PLCH1: variants seen among roughly 807,000 people sequenced by gnomAD.
PLCH1 encodes 1-phosphatidylinositol 4,5-bisphosphate phosphodiesterase eta-1.
PLCH1 carries 60 observed loss-of-function variants against 126.7 expected under a neutral mutation model. That is an observed-to-expected ratio of 0.47 (90% confidence interval 0.38 to 0.59). The LOEUF is 0.59. PLCH1 is among the 20% of genes least tolerant of loss of function. The probability of loss-of-function intolerance (pLI) is 0.00; values close to 1 mark genes in which losing one functional copy is unlikely to be tolerated. For missense variants in PLCH1, 1,723 were observed against 2,040.0 expected, an observed-to-expected ratio of 0.84 and a Z score of 2.99; for synonymous variants, 719 against 734.9, an observed-to-expected ratio of 0.98 and a Z score of 0.35.
chr3:155,528,411 C>T (rs1177971685), intron 10 of PLCH1, among the ~76,000 whole-genome samples: 4 of 152,034 alleles, frequency 2.6e-5, no homozygotes, highest in Admixed American at 2.6e-4. Context: ...TATAATATGG[C>T]AGCACCAGAA....
intron 2 of PLCH1, among the ~76,000 whole-genome samples, chr3:155,616,208 G>C (rs1735780336): frequency 1.3e-5 from 2 of 152,142 alleles, no homozygotes; most frequent in African/African-American, 4.8e-5. Context: ...ATTTTTAGTA[G>C]AAAGGTATGG....
Position 155,594,401 on chromosome 3 carries a change from T to C in PLCH1, c.227-217A>G, listed in dbSNP as rs1297262081. On this transcript the variant is annotated intron_variant, in intron 3 of 22. Coordinates refer to ENST00000460012, the MANE Select transcript of PLCH1 (RefSeq NM_014996.4). ...GCCTGGGCAACATGGTGAAACCCCG[T>C]CTCTGCTAAAATAAAAAAAAAATTG... 4.0e-5 allele frequency among the ~76,000 whole-genome samples: 6 copies of C among 151,716 alleles called. No individual in the cohort carries two copies. The South Asian group carries it at 6.3e-4, about 16-fold the overall frequency.
At position 155,700,121 on chromosome 3, in the gene PLCH1, G is replaced by A. The variant is rs117303061; in HGVS notation, c.79+4025C>T. 1.1e-3 allele frequency among the ~76,000 whole-genome samples: 169 copies of A among 152,240 alleles called. 1 individual carries two copies. The East Asian group carries it at 0.029, about 26-fold the overall frequency. On this transcript the variant is annotated intron_variant, in intron 2 of 22. Transcript: ENST00000460012. ...GACAGGGAAACTGAGGGCCCCAGAA[G>A]TGACATGAGGCTACACAAGTTAGTT...
Position 155,549,775 on chromosome 3 carries a change from T to C in PLCH1, c.1362+12A>G. 6.3e-7 allele frequency: 1 copy of C among 1,599,626 alleles called. No homozygotes were observed. The highest frequency in any genetic ancestry group is 8.6e-7 in the Non-Finnish European group (1 of 1,168,414). On this transcript the variant is annotated intron_variant, in intron 10 of 22. Coordinates refer to ENST00000460012, the MANE Select transcript of PLCH1 (RefSeq NM_014996.4). ...AATGAATGTCTTTTATTGCATTACT[T>C]GAAGTAATTACCTTCACTAGAATTT...
intron 2 of PLCH1, among the ~76,000 whole-genome samples, chr3:155,612,329 CA>C (rs778561751): frequency 0.03 from 2,763 of 92,326 alleles, 28 homozygotes; most frequent in Middle Eastern, 0.12. Flanking sequence ...AACTCTGTCT[CA>C]AAAAAAAAAA....
At chr3:155,501,038 G>T (rs73874824) in intron 13 of PLCH1, among the ~76,000 whole-genome samples, 7,346 of 152,194 alleles carry the variant, frequency 0.048, 311 homozygotes, top group African/African-American at 0.11. Context: ...GACACATAAA[G>T]TTGATGTATC....
At chr3:155,467,120 A>G (rs561621446) in intron 21 of PLCH1, among the ~76,000 whole-genome samples, 1 of 152,284 alleles carries the variant, frequency 6.6e-6, no homozygotes, top group African/African-American at 2.4e-5. Context: ...CTAGAGAAAT[A>G]TATCAATATC....
intron 2 of PLCH1, among the ~76,000 whole-genome samples, chr3:155,620,839 G>GTAGA (rs144630384): frequency 6.6e-6 from 1 of 151,974 alleles, no homozygotes; most frequent in Non-Finnish European, 1.5e-5. Flanking sequence ...CGCAGCTTCA[G>GTAGA]CAGACTTAAA....
intron 8 of PLCH1, among the ~76,000 whole-genome samples, chr3:155,558,459 A>C (rs766379564): frequency 8.5e-5 from 13 of 152,206 alleles, no homozygotes; most frequent in Admixed American, 3.3e-4. Flanking sequence ...GAAACTGCAA[A>C]GTACTGAACC....
intron 2 of PLCH1, among the ~76,000 whole-genome samples, chr3:155,656,680 G>A (rs1348769108): frequency 6.6e-6 from 1 of 152,060 alleles, no homozygotes; most frequent in African/African-American, 2.4e-5. Context: ...GAATTCCTCA[G>A]ACATAAAGTC....
chr3:155,458,150 T>C (rs188776783), intron 21 of PLCH1, among the ~76,000 whole-genome samples: 4 of 152,106 alleles, frequency 2.6e-5, no homozygotes, highest in African/African-American at 7.2e-5. Flanking sequence ...AAGACCACCC[T>C]GGCCAACATG....
chr3:155,550,187 A>G (rs1263569845), intron 9 of PLCH1, among the ~76,000 whole-genome samples: 1 of 152,218 alleles, frequency 6.6e-6, no homozygotes, highest in Non-Finnish European at 1.5e-5. Flanking sequence ...ACCAATCCAC[A>G]TGGGATGGCT....
At chr3:155,729,276 C>G (rs182190998) in intron 1 of PLCH1, among the ~76,000 whole-genome samples, 6 of 152,330 alleles carry the variant, frequency 3.9e-5, no homozygotes, top group Admixed American at 3.3e-4. Context: ...TGCCTGTCCT[C>G]CCTACCCCTT....
chr3:155,593,789 G>A (rs1319125179), intron 4 of PLCH1, 152 bp downstream of exon 4: 2 of 701,978 alleles, frequency 2.8e-6, no homozygotes, highest in Non-Finnish European at 4.6e-6. Context: ...TGGAGTGAGA[G>A]TCAGGAGGGG....
intron 2 of PLCH1, among the ~76,000 whole-genome samples, chr3:155,659,622 C>T (rs1170972724): frequency 6.6e-6 from 1 of 151,938 alleles, no homozygotes; most frequent in Non-Finnish European, 1.5e-5. Flanking sequence ...CCTCAGCCTC[C>T]CGAGTAGCTG....
chr3:155,736,662 G>A (rs1022479893), intron 1 of PLCH1, among the ~76,000 whole-genome samples: 4 of 152,148 alleles, frequency 2.6e-5, no homozygotes, highest in South Asian at 2.1e-4. Context: ...AACCTCTCCC[G>A]CCCTGTTATC....
Position 155,583,393 on chromosome 3 carries a change from C to G in PLCH1, c.771+79G>C, listed in dbSNP as rs1730956106. 7.7e-6 allele frequency: 9 copies of G among 1,165,390 alleles called. No homozygotes were observed. The South Asian group carries it at 1.3e-4, about 17-fold the overall frequency. The allele number at this position is 1,165,390 out of a possible 1,614,324, so 72.2% of individuals were successfully genotyped here. On this transcript the variant is annotated intron_variant, in intron 6 of 22. Transcript: ENST00000460012. ...CACCTTTGCAAAATTCAAAGTATAC[C>G]TATATTTAACCCCAAAAGAAAGACA... is the stretch of plus-strand genomic sequence containing the variant.
intron 4 of PLCH1, among the ~76,000 whole-genome samples, chr3:155,588,948 C>A (rs1388689514): frequency 4.6e-5 from 7 of 152,136 alleles, no homozygotes; most frequent in Non-Finnish European, 1.5e-5. Context: ...ACATAGTATA[C>A]AACTCCAGGT....
intron 2 of PLCH1, among the ~76,000 whole-genome samples, chr3:155,693,445 C>G (rs1164885063): frequency 1.1e-4 from 3 of 28,020 alleles, no homozygotes; most frequent in Non-Finnish European, 1.5e-4. Flanking sequence ...GCAGTCCGAC[C>G]TGGGCGACAG....
Sources: allele counts gnomAD v4.1 joint callset (sites outside exome capture counted in the v4.1 genomes callset), GRCh38; gene constraint gnomAD v4.1.1; transcripts MANE v1.5; gene names NCBI Gene and HGNC (gene_info 2026-07-23, HGNC 2026-07-21).